Variants in CELF2 observed in about 807,000 individuals in gnomAD.
CELF2 encodes the protein CUG triplet repeat RNA-binding protein 2.
In CELF2, 8 loss-of-function variants were observed where a neutral mutation model predicts 62.6. The observed-to-expected ratio is 0.13, with a 90% CI of 0.07 to 0.23. The LOEUF (loss-of-function observed/expected upper bound fraction) is 0.23, where lower values mean the gene tolerates loss of function less well. CELF2 is among the 10% of genes least tolerant of loss of function. The pLI, the probability that CELF2 is intolerant of heterozygous loss-of-function variation, is 1.00. For missense variants in CELF2, 333 were observed against 671.0 expected (o/e 0.50, Z 5.56); for synonymous variants, 258 against 250.0 (o/e 1.03, Z -0.30).
chr10:10,678,221 G>A, the CELF2 span, among the ~76,000 whole-genome samples: 3 of 152,070 alleles, frequency 2.0e-5, no homozygotes, highest in South Asian at 6.3e-4. Context: ...TGTGTTTTAG[G>A]TTTGTTTGAT....
chr10:11,102,022 A>G (rs1329444804), intron 1 of CELF2: 3 of 152,194 alleles, frequency 2.0e-5, no homozygotes, highest in Admixed American at 1.3e-4. Context: ...TAGAAGCATC[A>G]TGGGCCTTTA....
the CELF2 span, among the ~76,000 whole-genome samples, chr10:10,550,109 T>G: frequency 6.6e-6 from 1 of 152,224 alleles, no homozygotes. Context: ...CCAGAAGCCT[T>G]ACCAATAACA....
At chr10:11,301,185 C>G (rs1330150475) in intron 9 of CELF2, among the ~76,000 whole-genome samples, 2 of 151,964 alleles carry the variant, frequency 1.3e-5, no homozygotes, top group African/African-American at 4.8e-5. Context: ...TGGATAAGCC[C>G]CTCATTGCTG....
intron 1 of CELF2, among the ~76,000 whole-genome samples, chr10:10,862,305 A>G (rs1224498573): frequency 6.6e-6 from 1 of 152,154 alleles, no homozygotes; most frequent in African/African-American, 2.4e-5. Flanking sequence ...AGGGTCTCTC[A>G]TGTAGCTGCA....
the CELF2 span, among the ~76,000 whole-genome samples, chr10:10,719,842 T>C: frequency 6.6e-6 from 1 of 152,274 alleles, no homozygotes; most frequent in East Asian, 1.9e-4. Flanking sequence ...ACTCAGCAAA[T>C]GTTAGCTATT....
At chr10:10,930,368 T>G (rs1055154755) in intron 2 of CELF2, among the ~76,000 whole-genome samples, 8 of 152,226 alleles carry the variant, frequency 5.3e-5, no homozygotes, top group African/African-American at 1.9e-4. Context: ...TGCCCTAATT[T>G]TTTTCCTTTT....
chr10:10,578,430 C>T, the CELF2 span, among the ~76,000 whole-genome samples: 1 of 152,082 alleles, frequency 6.6e-6, no homozygotes, highest in Non-Finnish European at 1.5e-5. Context: ...ACATGAAGTC[C>T]TTGCCCATGC....
intron 2 of CELF2, among the ~76,000 whole-genome samples, chr10:10,976,367 C>A (rs1400650207): frequency 6.6e-6 from 1 of 152,186 alleles, no homozygotes; most frequent in Admixed American, 6.5e-5. Flanking sequence ...TTGACTGCAT[C>A]AAATGCCTGT....
In CELF2 at chr10:10,909,532, G is replaced by A. The variant is rs112394804; in HGVS notation, c.54-10432G>A. On this transcript the variant is annotated intron_variant, in intron 1 of 13. Coordinates refer to the CELF2 transcript ENST00000636488. The stretch of plus-strand genomic sequence containing the variant: ...GAACCTCCCGTGTTCCTTCTGCCCT[G>A]GTAGCTCTCACACAGACTCCTCTTT... 2.0e-5 allele frequency among the ~76,000 whole-genome samples: 3 copies of A among 152,274 alleles called. No individual in the cohort carries two copies. The East Asian group carries it at 5.8e-4, about 29-fold the overall frequency.
At chr10:11,064,376 A>T (rs1458716930) in intron 1 of CELF2, among the ~76,000 whole-genome samples, 1 of 152,202 alleles carries the variant, frequency 6.6e-6, no homozygotes, top group Non-Finnish European at 1.5e-5. Flanking sequence ...TATTACAACC[A>T]AGGAATTATT....
At chr10:10,975,210 C>A (rs1397862232) in intron 2 of CELF2, among the ~76,000 whole-genome samples, 1 of 152,172 alleles carries the variant, frequency 6.6e-6, no homozygotes, top group Non-Finnish European at 1.5e-5. Context: ...TTCAACCTCC[C>A]AGATTCAAGC....
At chr10:11,038,313 A>G (rs1297528897) in intron 1 of CELF2, among the ~76,000 whole-genome samples, 2 of 152,236 alleles carry the variant, frequency 1.3e-5, no homozygotes, top group Non-Finnish European at 2.9e-5. Flanking sequence ...CCTCTGCCCT[A>G]TATTCCTAAG....
rs757837382 is a variant in CELF2 at position 11,325,821 on chromosome 10, T to C, written c.1295-15T>C. 4.1e-4 allele frequency: 659 copies of C among 1,599,046 alleles called. No homozygotes were observed. The highest frequency in any genetic ancestry group is 5.5e-4 in the Non-Finnish European group (645 of 1,175,408). ...TCAAGGGATACCTTACTCTGACTTT[T>C]TTTTTCCTCCTTAGGTCCAGAGGGG... On this transcript the variant is annotated splice_polypyrimidine_tract_variant and intron_variant, in intron 11 of 12. Transcript: ENST00000633077.
intron 1 of CELF2, among the ~76,000 whole-genome samples, chr10:10,894,970 G>T (rs2062434159): frequency 6.6e-6 from 1 of 152,144 alleles, no homozygotes; most frequent in South Asian, 2.1e-4. Flanking sequence ...AATAATATGA[G>T]TCCGTATTCA....
intron 5 of CELF2, among the ~76,000 whole-genome samples, chr10:11,258,514 G>A (rs751411152): frequency 2.1e-4 from 32 of 152,156 alleles, no homozygotes; most frequent in Non-Finnish European, 3.4e-4. Context: ...GTAGCTCAGA[G>A]CCTTGACGAT....
At chr10:10,959,471 T>C (rs553497433) in intron 2 of CELF2, among the ~76,000 whole-genome samples, 1 of 152,182 alleles carries the variant, frequency 6.6e-6, no homozygotes, top group East Asian at 1.9e-4. Context: ...TTAAACACTT[T>C]GAGTTCCGCT....
At chr10:10,758,338 G>T in the CELF2 span, among the ~76,000 whole-genome samples, 2 of 152,160 alleles carry the variant, frequency 1.3e-5, no homozygotes, top group Non-Finnish European at 2.9e-5. Context: ...CATGGGCTTT[G>T]CCTGTCACCT....
intron 1 of CELF2, among the ~76,000 whole-genome samples, chr10:11,091,169 A>T (rs1333386160): frequency 5.9e-5 from 9 of 152,184 alleles, no homozygotes; most frequent in Non-Finnish European, 1.2e-4. Flanking sequence ...CAGCTTCCTA[A>T]CATAACATGT....
chr10:10,506,862 C>G, the CELF2 span, among the ~76,000 whole-genome samples: 3 of 151,362 alleles, frequency 2.0e-5, no homozygotes, highest in Admixed American at 6.6e-5. Flanking sequence ...ACGGGGATTC[C>G]CCATGTTGGC....
Sources: gnomAD v4.1 joint callset for allele counts (sites outside exome capture counted in the v4.1 genomes callset) on GRCh38, gnomAD v4.1.1 for gene constraint, MANE v1.5 for transcripts, NCBI Gene and HGNC (gene_info 2026-07-23, HGNC 2026-07-21) for gene names.